SGCZ: variants seen among roughly 807,000 people sequenced by gnomAD.
SGCZ encodes sarcoglycan zeta.
In SGCZ, 40 loss-of-function variants were observed where a neutral mutation model predicts 41.3. The observed-to-expected ratio is 0.97, with a 90% confidence interval of 0.75 to 1.26. The LOEUF (loss-of-function observed/expected upper bound fraction) is 1.26. SGCZ is among the 50% of genes most tolerant of loss of function. SGCZ has a pLI of 0.00. For missense variants in SGCZ, 552 were observed against 369.8 expected (o/e 1.49, Z -4.04); for synonymous variants, 206 against 137.5 (o/e 1.50, Z -3.49).
intron 4 of SGCZ, among the ~76,000 whole-genome samples, chr8:14,166,058 A>AT (rs762982025): frequency 5.3e-5 from 8 of 152,036 alleles, no homozygotes; most frequent in South Asian, 2.1e-4. Flanking sequence ...AGCCATATGT[A>AT]TTTTTTTTAA....
chr8:14,397,750 A>C (rs186161153), intron 2 of SGCZ, among the ~76,000 whole-genome samples: 1 of 152,140 alleles, frequency 6.6e-6, no homozygotes, highest in Admixed American at 6.6e-5. Context: ...TTGCAAAAGC[A>C]TACTAGAGTT....
chr8:14,830,433 T>C (rs1355005055), intron 1 of SGCZ, among the ~76,000 whole-genome samples: 1 of 152,202 alleles, frequency 6.6e-6, no homozygotes, highest in Non-Finnish European at 1.5e-5. Context: ...GTTTAAAGAG[T>C]CTGAATCATT....
intron 1 of SGCZ, among the ~76,000 whole-genome samples, chr8:14,858,012 T>C (rs1803600046): frequency 6.6e-6 from 1 of 152,166 alleles, no homozygotes; most frequent in South Asian, 2.1e-4. Context: ...TAGAAGATAA[T>C]TTGAGAACAT....
intron 1 of SGCZ, among the ~76,000 whole-genome samples, chr8:15,134,595 C>T (rs1808041542): frequency 6.6e-6 from 1 of 152,106 alleles, no homozygotes; most frequent in Non-Finnish European, 1.5e-5. Context: ...TTGAAGAACT[C>T]TCAATGTAGC....
At chr8:14,739,354 T>A (rs1201128760) in intron 1 of SGCZ, among the ~76,000 whole-genome samples, 1 of 152,176 alleles carries the variant, frequency 6.6e-6, no homozygotes, top group South Asian at 2.1e-4. Context: ...TCATATTCAA[T>A]AAGATTATCT....
intron 1 of SGCZ, among the ~76,000 whole-genome samples, chr8:14,898,021 C>A (rs1180148339): frequency 6.6e-6 from 1 of 151,820 alleles, no homozygotes; most frequent in Admixed American, 6.6e-5. Flanking sequence ...AGTTGATTTA[C>A]AATTCACGAA....
chr8:14,584,910 C>T (rs758002817), intron 1 of SGCZ, among the ~76,000 whole-genome samples: 1 of 152,052 alleles, frequency 6.6e-6, no homozygotes, highest in Non-Finnish European at 1.5e-5. Context: ...AATTTACTTA[C>T]AGTCATTTGT....
chr8:14,842,328 A>G (rs1284224340), intron 1 of SGCZ, among the ~76,000 whole-genome samples: 1 of 152,016 alleles, frequency 6.6e-6, no homozygotes, highest in Non-Finnish European at 1.5e-5. Context: ...AGCAAATGTC[A>G]TAGGCAGGAG....
chr8:14,090,987 C>T (rs13250137), intron 7 of SGCZ, among the ~76,000 whole-genome samples: 51,417 of 151,762 alleles, frequency 0.34, 11,085 homozygotes, highest in Non-Finnish European at 0.48. Flanking sequence ...TAGATTTCCC[C>T]GTCACATCCC....
chr8:14,091,010 GGATGTGT>G (rs1801673395), intron 7 of SGCZ, among the ~76,000 whole-genome samples: 1 of 151,768 alleles, frequency 6.6e-6, no homozygotes, highest in East Asian at 1.9e-4. Context: ...TGACAGGCCC[GGATGTGT>G]GATGTTCCCT....
At chr8:14,509,692 A>G (rs1012295334) in intron 2 of SGCZ, among the ~76,000 whole-genome samples, 7 of 152,128 alleles carry the variant, frequency 4.6e-5, no homozygotes, top group Admixed American at 2.0e-4. Flanking sequence ...CCACTTTCAC[A>G]CTGCTATAAA....
At chr8:14,713,817 TGGGAGTCCTTCA>T (rs1809599655) in intron 1 of SGCZ, among the ~76,000 whole-genome samples, 1 of 152,176 alleles carries the variant, frequency 6.6e-6, no homozygotes. Context: ...GTGTAATTTT[TGGGAGTCCTTCA>T]GGGAAAAATA....
At chr8:14,348,530 A>C (rs1460325695) in intron 2 of SGCZ, among the ~76,000 whole-genome samples, 1 of 152,140 alleles carries the variant, frequency 6.6e-6, no homozygotes, top group Non-Finnish European at 1.5e-5. Context: ...AATGGTTTTG[A>C]ATATAAATTA....
chr8:14,397,964 T>C (rs1798966061), intron 2 of SGCZ, among the ~76,000 whole-genome samples: 1 of 152,138 alleles, frequency 6.6e-6, no homozygotes, highest in Admixed American at 6.6e-5. Context: ...TTCTGATGAA[T>C]TCCCTTGAAC....
intron 2 of SGCZ, among the ~76,000 whole-genome samples, chr8:14,436,176 A>C (rs1018426676): frequency 6.6e-6 from 1 of 152,170 alleles, no homozygotes; most frequent in African/African-American, 2.4e-5. Flanking sequence ...ACCTCTTGCC[A>C]GTGTTCCTAT....
At chr8:14,847,764 C>T (rs1209864227) in intron 1 of SGCZ, among the ~76,000 whole-genome samples, 5 of 130,480 alleles carry the variant, frequency 3.8e-5, no homozygotes, top group African/African-American at 5.8e-5. Flanking sequence ...GGAGGGGAGC[C>T]GCAGCTAACA....
In SGCZ at chr8:14,694,797, C is replaced by G. The variant is rs894825382; in HGVS notation, c.40-139871G>C. 1.1e-4 allele frequency among the ~76,000 whole-genome samples: 16 copies of G among 152,270 alleles called. No homozygotes were observed. The East Asian group carries it at 2.7e-3, about 26-fold the overall frequency. On this transcript the variant is annotated intron_variant, in intron 1 of 7. Transcript: ENST00000382080. Reference sequence around the variant, plus strand: ...TCTTTTCACATTTCTAAAAGTCTCACTTAAAAAGTTTGCTGGGTTAGCAAT... The same window carrying G: ...TCTTTTCACATTTCTAAAAGTCTCAGTTAAAAAGTTTGCTGGGTTAGCAAT...
At chr8:14,435,500 A>G (rs750200942) in intron 2 of SGCZ, among the ~76,000 whole-genome samples, 5 of 152,114 alleles carry the variant, frequency 3.3e-5, no homozygotes, top group Admixed American at 6.6e-5. Flanking sequence ...TACCCCAATC[A>G]TGCGATCATA....
At chr8:14,349,930 C>T (rs1440451838) in intron 2 of SGCZ, among the ~76,000 whole-genome samples, 20 of 151,976 alleles carry the variant, frequency 1.3e-4, no homozygotes, top group African/African-American at 2.4e-5. Flanking sequence ...AGTCGTGTAG[C>T]TTTAAAAAAT....
Sources: allele counts gnomAD v4.1 joint callset (sites outside exome capture counted in the v4.1 genomes callset), GRCh38; gene constraint gnomAD v4.1.1; transcripts MANE v1.5; gene names NCBI Gene and HGNC (gene_info 2026-07-23, HGNC 2026-07-21).